Variants in MAP2K6 observed in about 807,000 individuals in gnomAD.
MAP2K6 encodes the protein dual specificity mitogen-activated protein kinase kinase 6.
A neutral mutation model predicts 53.7 loss-of-function variants in MAP2K6; 16 were observed. The ratio of observed to expected loss-of-function variants is 0.30; its 90% CI spans 0.20 to 0.45. The LOEUF (loss-of-function observed/expected upper bound fraction) is 0.45, where lower values mean the gene tolerates loss of function less well. Among genes scored for constraint, MAP2K6 ranks in the 20% least tolerant of loss-of-function variants. The probability of loss-of-function intolerance (pLI) is 1.00; values close to 1 mark genes in which losing one functional copy is unlikely to be tolerated. For synonymous variants in MAP2K6, 132 were observed against 143.1 expected, an observed-to-expected ratio of 0.92 and a Z score of 0.55; for missense variants, 204 against 411.9, an observed-to-expected ratio of 0.50 and a Z score of 4.37.
chr17:69,503,905 T>C (rs565525535), intron 1 of MAP2K6, among the ~76,000 whole-genome samples: 1 of 152,350 alleles, frequency 6.6e-6, no homozygotes, highest in Non-Finnish European at 1.5e-5. Context: ...AAAGTGATTC[T>C]AGAAGTTGCG....
At chr17:69,460,464 G>A (rs1907588340) in intron 1 of MAP2K6, among the ~76,000 whole-genome samples, 1 of 152,284 alleles carries the variant, frequency 6.6e-6, no homozygotes, top group Non-Finnish European at 1.5e-5. Flanking sequence ...GGAACGTGTT[G>A]GGATTTTAAT....
intron 9 of MAP2K6, 110 bp from the exon 10 acceptor site, chr17:69,526,460 A>T: frequency 8.5e-7 from 1 of 1,182,530 alleles, no homozygotes; most frequent in Non-Finnish European, 1.2e-6. Flanking sequence ...CTGGACTTAT[A>T]CTTGAACTTT....
At chr17:69,444,023 C>T (rs947994906) in intron 1 of MAP2K6, among the ~76,000 whole-genome samples, 24 of 152,156 alleles carry the variant, frequency 1.6e-4, no homozygotes, top group African/African-American at 5.6e-4. Context: ...ATGACCAAAA[C>T]TAGATTTTTA....
At chr17:69,523,765 C>G (rs1345323899) in intron 8 of MAP2K6, 124 bp downstream of exon 8, 4 of 1,207,386 alleles carry the variant, frequency 3.3e-6, no homozygotes, top group Non-Finnish European at 4.7e-6. Context: ...AGTAGTCTGC[C>G]TCTTAGTATT....
At chr17:69,513,717 A>T (rs1288997083) in intron 2 of MAP2K6, among the ~76,000 whole-genome samples, 1 of 152,176 alleles carries the variant, frequency 6.6e-6, no homozygotes, top group Non-Finnish European at 1.5e-5. Flanking sequence ...TATATATATA[A>T]AATATAAGAA....
intron 1 of MAP2K6, among the ~76,000 whole-genome samples, chr17:69,501,918 GTTT>G (rs11406039): frequency 1.8e-4 from 23 of 129,056 alleles, no homozygotes; most frequent in African/African-American, 6.1e-4. Context: ...TCCCTCCCAT[GTTT>G]TTTTTTTTTT....
At chr17:69,420,155 A>G (rs981092558) in intron 1 of MAP2K6, among the ~76,000 whole-genome samples, 1 of 152,204 alleles carries the variant, frequency 6.6e-6, no homozygotes, top group Non-Finnish European at 1.5e-5. Flanking sequence ...TATGAAAATA[A>G]TAAGAAAAAT....
intron 1 of MAP2K6, among the ~76,000 whole-genome samples, chr17:69,425,370 T>C (rs1304044407): frequency 2.0e-5 from 3 of 152,024 alleles, no homozygotes; most frequent in African/African-American, 7.2e-5. Flanking sequence ...TGGAGTACAG[T>C]GGTGCTATCT....
At position 69,429,059 on chromosome 17, in the gene MAP2K6, C is replaced by T. The variant is rs545728272; in HGVS notation, c.16+14059C>T. Among the ~76,000 whole-genome samples the T allele has an allele frequency of 8.1e-4, 123 of 151,988 alleles. 1 individual carries two copies. In the South Asian group the frequency reaches 0.016, roughly 20 times the overall value. Reference sequence around the variant, plus strand: ...CACAGGCAGCTTTGATGTACAGATACAGGGACAGGACTTGGTGGTTGGGAG... The same window carrying T: ...CACAGGCAGCTTTGATGTACAGATATAGGGACAGGACTTGGTGGTTGGGAG... On this transcript the variant is annotated intron_variant, in intron 1 of 11. Transcript: ENST00000590474.
chr17:69,521,254 A>G, intron 7 of MAP2K6, 154 bp downstream of exon 7: 1 of 569,404 alleles, frequency 1.8e-6, no homozygotes, highest in Non-Finnish European at 3.1e-6. Flanking sequence ...ATAGCAAACC[A>G]TATAAGTAGT....
At chr17:69,424,043 C>T (rs960072689) in intron 1 of MAP2K6, among the ~76,000 whole-genome samples, 4 of 152,162 alleles carry the variant, frequency 2.6e-5, no homozygotes, top group Non-Finnish European at 5.9e-5. Context: ...TTTGTGTCAA[C>T]GTGAAAGCCT....
chr17:69,495,195 A>G (rs1908900578), intron 1 of MAP2K6, among the ~76,000 whole-genome samples: 1 of 150,530 alleles, frequency 6.6e-6, no homozygotes, highest in Non-Finnish European at 1.5e-5. Flanking sequence ...GTTACTATTT[A>G]AGAACATCTT....
Position 69,552,344 on chromosome 17 carries a change from G to T in MAP2K6, c.*10591G>T, listed in dbSNP as rs1912133821. 6.6e-6 allele frequency: 1 copy of T among 152,214 alleles called. No individual in the cohort carries two copies. Among genetic ancestry groups the T allele is most frequent in the African/African-American group, 2.4e-5 (1 of 41,448 alleles). The allele number at this position is 152,214 out of a possible 1,614,324, so 9.4% of individuals were successfully genotyped here. On this transcript the variant is annotated 3_prime_UTR_variant, in exon 12 of 12. Coordinates refer to ENST00000590474, the MANE Select transcript of MAP2K6 (RefSeq NM_002758.4). ...AACCCACCTCCAGCACTTCAAAGTAGTGTCTCTGGAGAGTTTAAAATAAAA... is the reference window on the plus strand; with the variant it reads ...AACCCACCTCCAGCACTTCAAAGTATTGTCTCTGGAGAGTTTAAAATAAAA...
chr17:69,465,019 G>A (rs1441451238), intron 1 of MAP2K6, among the ~76,000 whole-genome samples: 2 of 152,012 alleles, frequency 1.3e-5, no homozygotes, highest in African/African-American at 2.4e-5. Context: ...CATCCAGACT[G>A]TGCATTTATT....
intron 1 of MAP2K6, among the ~76,000 whole-genome samples, chr17:69,448,071 C>A (rs1224995881): frequency 6.6e-6 from 1 of 152,126 alleles, no homozygotes; most frequent in South Asian, 2.1e-4. Context: ...AGGGAGGCAT[C>A]TTTAAATGCC....
chr17:69,462,890 C>T (rs961196974), intron 1 of MAP2K6, among the ~76,000 whole-genome samples: 1 of 150,744 alleles, frequency 6.6e-6, no homozygotes, highest in African/African-American at 2.4e-5. Context: ...GTCAGGAGAT[C>T]GAGACCATTC....
intron 11 of MAP2K6, among the ~76,000 whole-genome samples, chr17:69,541,404 T>A (rs770186203): frequency 1.1e-4 from 17 of 152,186 alleles, no homozygotes; most frequent in Non-Finnish European, 2.1e-4. Flanking sequence ...TTGCTGTAGA[T>A]GAGACTTACG....
chr17:69,522,736 A>G (rs763661444), intron 7 of MAP2K6, among the ~76,000 whole-genome samples: 1 of 152,126 alleles, frequency 6.6e-6, no homozygotes, highest in Non-Finnish European at 1.5e-5. Context: ...CCTCTGACAC[A>G]TCGCTAGCAG....
intron 11 of MAP2K6, among the ~76,000 whole-genome samples, chr17:69,540,913 T>C (rs1911584467): frequency 6.6e-6 from 1 of 152,184 alleles, no homozygotes; most frequent in South Asian, 2.1e-4. Context: ...TCCTTGCACG[T>C]TTACTGTTCA....
Sources: allele counts gnomAD v4.1 joint callset (sites outside exome capture counted in the v4.1 genomes callset), GRCh38; gene constraint gnomAD v4.1.1; transcripts MANE v1.5; gene names NCBI Gene and HGNC (gene_info 2026-07-23, HGNC 2026-07-21).